Variants in FIGN observed in about 807,000 individuals in gnomAD.
FIGN encodes the protein fidgetin.
A neutral mutation model predicts 51.3 loss-of-function variants in FIGN; 11 were observed. The observed-to-expected ratio is 0.21, with a 90% CI of 0.13 to 0.35. The LOEUF (loss-of-function observed/expected upper bound fraction) is 0.35. Among genes scored for constraint, FIGN ranks in the 10% least tolerant of loss-of-function variants. The pLI is 1.00. For missense variants in FIGN, 857 were observed against 943.6 expected (o/e 0.91, Z 1.20); for synonymous variants, 407 against 363.2 (o/e 1.12, Z -1.37).
Position 163,609,667 on chromosome 2 carries a change from C to T in FIGN, c.2165G>A (p.Arg722Lys). The T allele has an allele frequency of 6.2e-7, 1 of 1,614,054 alleles. No individual in the cohort carries two copies. The highest frequency in any genetic ancestry group is 8.5e-7 in the Non-Finnish European group (1 of 1,180,026). ...TTCAAAGTCTTGATATGTAACGGGC[C>T]TCAACTGGCTGGGCATAATGGCTGA... The part of the protein sequence containing the change: ...DLSAIMPSQL[R>K]PVTYQDFENA... The change falls in exon 3 of 3, where the codon AGG becomes AAG. Residue 722 changes from arginine (R) to lysine (K), a missense_variant. By Grantham distance (26) the Arg-to-Lys change is conservative. Transcript: ENST00000333129.
chr2:163,646,380 G>A (rs998597029), intron 2 of FIGN, among the ~76,000 whole-genome samples: 1 of 152,110 alleles, frequency 6.6e-6, no homozygotes, highest in African/African-American at 2.4e-5. Context: ...AATGTTTTGG[G>A]AGTTTATGAA....
In FIGN at chr2:163,605,410, A is replaced by G. The variant is rs1011849993; in HGVS notation, c.*4142T>C. ...GTTTGCTAATGTGCTTCATATAAAA[A>G]TCGGCAGATGATTCAACAACTGAAG... is the stretch of plus-strand genomic sequence containing the variant. On this transcript the variant is annotated 3_prime_UTR_variant, in exon 3 of 3. Transcript: ENST00000333129. The G allele has an allele frequency of 6.6e-6, 1 of 152,116 alleles. No individual in the cohort carries two copies. Among genetic ancestry groups the G allele is most frequent in the Non-Finnish European group, 1.5e-5 (1 of 68,000 alleles). 9.4% of individuals were successfully genotyped at this position (152,116 alleles called of 1,614,324 possible).
rs147168055 is a variant in FIGN at position 163,634,086 on chromosome 2, A to ATGCG, written c.26-22284_26-22281dup. ...TTCCAATTCTTTTCTGTACGTATGT[A>ATGCG]TGCGTGTGTGTGTGTGTGTGTGTGT... On this transcript the variant is annotated intron_variant, in intron 2 of 2. Transcript: ENST00000333129. Among the ~76,000 whole-genome samples, 81 of 101,668 alleles carry ATGCG rather than the reference A, an allele frequency of 8.0e-4. 1 individual carries two copies. In the East Asian group the frequency reaches 0.022, roughly 27 times the overall value. The allele number at this position is 101,668 out of a possible 152,430, so 66.7% of individuals were successfully genotyped here. A position where few individuals can be genotyped will look rare whatever the true frequency, so the allele number is the denominator to read the frequency against.
At position 163,615,394 on chromosome 2, in the gene FIGN, C is replaced by T. The variant is rs745530503; in HGVS notation, c.26-3588G>A. Among the ~76,000 whole-genome samples the T allele has an allele frequency of 3.9e-4, 59 of 152,088 alleles. 1 individual carries two copies. Among genetic ancestry groups the T allele is most frequent in the Admixed American group, 2.0e-4 (3 of 15,272 alleles). ...GTGTTCAGGAGATTGTCTTGGCCTT[C>T]GAAGTACAGAGCCTTTTGGTTGGTT... On this transcript the variant is annotated intron_variant, in intron 2 of 2. Coordinates refer to ENST00000333129, the MANE Select transcript of FIGN (RefSeq NM_018086.4).
intron 2 of FIGN, among the ~76,000 whole-genome samples, chr2:163,685,904 T>C (rs1008987806): frequency 6.6e-6 from 1 of 152,240 alleles, no homozygotes; most frequent in African/African-American, 2.4e-5. Flanking sequence ...TAAGTGAACA[T>C]ATCATGAAAA....
At chr2:163,617,455 A>G (rs887424833) in intron 2 of FIGN, among the ~76,000 whole-genome samples, 2 of 152,136 alleles carry the variant, frequency 1.3e-5, no homozygotes, top group Non-Finnish European at 2.9e-5. Context: ...AAATTCTCCA[A>G]AATTAGACTC....
In FIGN at chr2:163,607,031, C is replaced by CA. The variant is rs1349522356; in HGVS notation, c.*2520dup. On this transcript the variant is annotated 3_prime_UTR_variant, in exon 3 of 3. Coordinates refer to ENST00000333129, the MANE Select transcript of FIGN (RefSeq NM_018086.4). ...ATTTGGCATTAAATCTTACTAGCCACAAAAAAATGTGGGTCAATATTGGAT... is the reference window on the plus strand; with the variant it reads ...ATTTGGCATTAAATCTTACTAGCCACAAAAAAAATGTGGGTCAATATTGGAT... 1.1e-4 allele frequency: 16 copies of CA among 152,150 alleles called. No individual in the cohort carries two copies. Among genetic ancestry groups the CA allele is most frequent in the African/African-American group, 3.6e-4 (15 of 41,524 alleles). 9.4% of individuals were successfully genotyped at this position (152,150 alleles called of 1,614,324 possible).
At chr2:163,612,036 G>A (rs368129070) in intron 2 of FIGN, among the ~76,000 whole-genome samples, 1 of 152,140 alleles carries the variant, frequency 6.6e-6, no homozygotes, top group African/African-American at 2.4e-5. Flanking sequence ...ATATAACTCT[G>A]TAGTTACCTA....
Position 163,610,713 on chromosome 2 carries a change from G to A in FIGN, c.1119C>T (p.Ser373=), listed in dbSNP as rs200046839. The change falls in exon 3 of 3, where the codon TCC becomes TCT. Residue 373 remains serine (S), a synonymous_variant. Transcript: ENST00000333129. The stretch of plus-strand genomic sequence containing the variant: ...GCTGCTTCGTTGGCTTAAATGCTAA[G>A]GATGATGTTTCAGCACTTCTGTCAA... The part of the protein sequence containing the change: ...NGFDRSAETS[S]LAFKPTKQLM... 113 of 1,614,178 alleles carry A rather than the reference G, an allele frequency of 7.0e-5. No individual in the cohort carries two copies. The Admixed American group carries it at 1.2e-3, about 17-fold the overall frequency.
At chr2:163,629,474 C>A (rs544376297) in intron 2 of FIGN, among the ~76,000 whole-genome samples, 1 of 152,098 alleles carries the variant, frequency 6.6e-6, no homozygotes, top group Admixed American at 6.6e-5. Context: ...TCATTGATAA[C>A]CATCTTAAGA....
intron 2 of FIGN, among the ~76,000 whole-genome samples, chr2:163,676,035 T>G (rs1683957931): frequency 6.6e-6 from 1 of 151,610 alleles, no homozygotes; most frequent in Non-Finnish European, 1.5e-5. Context: ...GAAATGTAGT[T>G]GTCAATTTAT....
At chr2:163,641,075 G>A (rs1196532052) in intron 2 of FIGN, among the ~76,000 whole-genome samples, 1 of 152,152 alleles carries the variant, frequency 6.6e-6, no homozygotes, top group Non-Finnish European at 1.5e-5. Flanking sequence ...GTGCTACGCT[G>A]GGCTTTACCC....
At chr2:163,662,844 G>A (rs1683711461) in intron 2 of FIGN, among the ~76,000 whole-genome samples, 1 of 152,226 alleles carries the variant, frequency 6.6e-6, no homozygotes, top group Non-Finnish European at 1.5e-5. Context: ...AGTGAATTAA[G>A]TCTCATGAGA....
intron 2 of FIGN, among the ~76,000 whole-genome samples, chr2:163,649,483 C>T (rs1276462239): frequency 6.6e-6 from 1 of 152,130 alleles, no homozygotes; most frequent in African/African-American, 2.4e-5. Flanking sequence ...AGAAAAGGCC[C>T]TGAGACTAAG....
At chr2:163,728,432 AC>A (rs1402596789) in intron 2 of FIGN, among the ~76,000 whole-genome samples, 2 of 151,610 alleles carry the variant, frequency 1.3e-5, no homozygotes, top group Non-Finnish European at 2.9e-5. Flanking sequence ...ACACACACAC[AC>A]ACACAAAGTT....
At chr2:163,714,579 A>T (rs1684639952) in intron 2 of FIGN, among the ~76,000 whole-genome samples, 1 of 152,210 alleles carries the variant, frequency 6.6e-6, no homozygotes, top group African/African-American at 2.4e-5. Flanking sequence ...GATTACCTAG[A>T]CCAATTACCT....
At chr2:163,670,041 T>C (rs1683850210) in intron 2 of FIGN, among the ~76,000 whole-genome samples, 1 of 152,170 alleles carries the variant, frequency 6.6e-6, no homozygotes, top group Non-Finnish European at 1.5e-5. Flanking sequence ...TATTACAAGA[T>C]TTATGTTTTT....
rs775365473 is a variant in FIGN at position 163,610,797 on chromosome 2, C to A, written c.1035G>T (p.Gln345His). 3.1e-6 allele frequency: 5 copies of A among 1,614,106 alleles called. No individual in the cohort carries two copies. The highest frequency in any genetic ancestry group is 4.2e-6 in the Non-Finnish European group (5 of 1,180,020). Residue 345 changes from glutamine (Q) to histidine (H), a missense_variant, in exon 3 of 3, where the codon CAG becomes CAT. Physicochemically the swap from Gln to His is conservative, Grantham distance 24. Transcript: ENST00000333129. ...TGTCGGGCATTCTGTACATAGGACT[C>A]TGTGTAGATCTCTGTTGGCCATAGC... The part of the protein sequence containing the change: ...NYSYGQQRST[Q>H]SPMYRMPDNS...
chr2:163,718,655 A>C (rs1684706411), intron 2 of FIGN, among the ~76,000 whole-genome samples: 1 of 152,188 alleles, frequency 6.6e-6, no homozygotes, highest in Non-Finnish European at 1.5e-5. Context: ...ACACCAGAGA[A>C]TTTATGAACT....
Sources: allele counts gnomAD v4.1 joint callset (sites outside exome capture counted in the v4.1 genomes callset), GRCh38; gene constraint gnomAD v4.1.1; transcripts MANE v1.5; gene names NCBI Gene and HGNC (gene_info 2026-07-23, HGNC 2026-07-21).